Variants in PILRA observed in about 807,000 individuals in gnomAD.
The protein encoded by PILRA is paired immunoglobulin-like type 2 receptor alpha.
Under a neutral mutation model 33.1 loss-of-function variants are expected in PILRA, and 37 were observed. That is an observed-to-expected ratio of 1.12 (90% CI 0.86 to 1.47). The LOEUF is 1.47. Ranked by LOEUF, PILRA falls within the 40% of genes most tolerant of loss-of-function variation. The pLI is 0.00. For synonymous variants in PILRA, 146 were observed against 149.9 expected (o/e 0.97, Z 0.19); for missense variants, 312 against 376.2 (o/e 0.83, Z 1.41).
intron 2 of PILRA, among the ~76,000 whole-genome samples, chr7:100,384,106 C>A (rs1377147978): frequency 1.3e-5 from 2 of 152,006 alleles, no homozygotes; most frequent in Non-Finnish European, 2.9e-5. Flanking sequence ...GAAGACAGGG[C>A]AGACAGGATT....
intron 5 of PILRA, 118 bp downstream of exon 5, chr7:100,399,458 C>A: frequency 7.2e-7 from 1 of 1,390,860 alleles, no homozygotes; most frequent in South Asian, 1.2e-5. Flanking sequence ...TTCCTTGCCC[C>A]TTGCCCTCAC....
Position 100,388,736 on chromosome 7 carries a change from C to T in PILRA, c.455-1152C>T, listed in dbSNP as rs946072608. On this transcript the variant is annotated intron_variant, in intron 2 of 6. Transcript: ENST00000198536. ...ACTCCATCCAGCCTGGGTGACAGAGCGAGCCTCCGTCTCAAAAAAAAAAAA... is the reference window on the plus strand; with the variant it reads ...ACTCCATCCAGCCTGGGTGACAGAGTGAGCCTCCGTCTCAAAAAAAAAAAA... 1.3e-4 allele frequency among the ~76,000 whole-genome samples: 16 copies of T among 119,200 alleles called. No individual in the cohort carries two copies. In the Admixed American group the frequency reaches 1.4e-3, roughly 10 times the overall value. 78.2% of individuals were successfully genotyped at this position (119,200 alleles called of 152,430 possible). A position where few individuals can be genotyped will look rare whatever the true frequency, so the allele number is the denominator to read the frequency against.
chr7:100,379,672 A>G (rs1420400916), intron 2 of PILRA, among the ~76,000 whole-genome samples: 2 of 150,876 alleles, frequency 1.3e-5, no homozygotes, highest in Non-Finnish European at 3.0e-5. Context: ...TGTCTCCAAA[A>G]AAAAAAAAAA....
intron 3 of PILRA, among the ~76,000 whole-genome samples, chr7:100,391,255 T>G (rs2130222705): frequency 6.6e-6 from 1 of 150,480 alleles, no homozygotes; most frequent in Middle Eastern, 3.5e-3. Context: ...ACTGGGAGGC[T>G]GAGATGTGAG....
Position 100,373,639 on chromosome 7 carries a change from C to G in PILRA, c.-18C>G. ...ACGGCTCTGCTGGTCTCCCCGTCCC[C>G]TGGAGAAGAACAAGGCCATGGGTCG... On this transcript the variant is annotated 5_prime_UTR_variant, in exon 1 of 7. Transcript: ENST00000198536. 2 of 1,613,512 alleles carry G rather than the reference C, an allele frequency of 1.2e-6. No individual in the cohort carries two copies. The highest frequency in any genetic ancestry group is 1.7e-6 in the Non-Finnish European group (2 of 1,179,956).
chr7:100,397,859 C>A lies in PILRA; in HGVS notation c.674-20C>A, dbSNP rs1791531812. 6.2e-7 allele frequency: 1 copy of A among 1,613,184 alleles called. No homozygotes were observed. The highest frequency in any genetic ancestry group is 1.3e-5 in the African/African-American group (1 of 75,012). ...CCATCACCCGGATGCCACCCTGACT[C>A]ACTGTTGGTCCCCCTACAGGTCAGC... On this transcript the variant is annotated intron_variant, in intron 3 of 6. Coordinates refer to ENST00000198536, the MANE Select transcript of PILRA (RefSeq NM_013439.3).
chr7:100,378,532 C>A (rs1218956617), intron 2 of PILRA, among the ~76,000 whole-genome samples: 1 of 152,092 alleles, frequency 6.6e-6, no homozygotes, highest in Non-Finnish European at 1.5e-5. Context: ...CAGGCTAATA[C>A]ACAATCTTCC....
intron 2 of PILRA, chr7:100,376,387 C>G (rs538616294): frequency 6.6e-6 from 1 of 150,796 alleles, no homozygotes; most frequent in African/African-American, 2.4e-5. Flanking sequence ...GTTTTTTTCA[C>G]TAATAAATTG....
At chr7:100,383,829 G>T (rs1791182467) in intron 2 of PILRA, among the ~76,000 whole-genome samples, 1 of 152,006 alleles carries the variant, frequency 6.6e-6, no homozygotes. Flanking sequence ...TAGAGACAGG[G>T]TTTCACCATG....
intron 3 of PILRA, among the ~76,000 whole-genome samples, chr7:100,392,510 GCAGAGGGTGTGCCA>G (rs1051088407): frequency 1.2e-4 from 18 of 152,188 alleles, no homozygotes; most frequent in African/African-American, 4.1e-4. Context: ...TTTAGATCTT[GCAGAGGGTGTGCCA>G]CAGGAGCATC....
chr7:100,375,113 C>A (rs1406659823), intron 2 of PILRA, among the ~76,000 whole-genome samples: 1 of 152,158 alleles, frequency 6.6e-6, no homozygotes, highest in South Asian at 2.1e-4. Context: ...CTCCCTGGCC[C>A]CTGCAGCCCC....
At chr7:100,390,182 C>T (rs7783550) in intron 3 of PILRA, 76 bp downstream of exon 3, 231,547 of 1,294,202 alleles carry the variant, frequency 0.18, 22,285 homozygotes, top group Middle Eastern at 0.21. Flanking sequence ...AGCTATGGGG[C>T]TCCTGAAATA....
intron 2 of PILRA, among the ~76,000 whole-genome samples, chr7:100,381,271 AAAAC>A (rs375974062): frequency 2.3e-3 from 354 of 152,124 alleles, no homozygotes; most frequent in Middle Eastern, 6.8e-3. Context: ...CGTCTCACAA[AAAAC>A]AAACAAACAA....
At position 100,373,602 on chromosome 7, in the gene PILRA, T is replaced by C; in HGVS notation, c.-55T>C. ...CCAGGCGGCCCCTCCACAGGGCCCCTCTCCTGCCTGGACGGCTCTGCTGGT... is the reference window on the plus strand; with the variant it reads ...CCAGGCGGCCCCTCCACAGGGCCCCCCTCCTGCCTGGACGGCTCTGCTGGT... On this transcript the variant is annotated 5_prime_UTR_variant, in exon 1 of 7. Transcript: ENST00000198536. 1 of 1,607,972 alleles carries C rather than the reference T, an allele frequency of 6.2e-7. No homozygotes were observed. The highest frequency in any genetic ancestry group is 8.5e-7 in the Non-Finnish European group (1 of 1,176,568).
chr7:100,373,629 T>G lies in PILRA; in HGVS notation c.-28T>G. 6.2e-7 allele frequency: 1 copy of G among 1,613,042 alleles called. No homozygotes were observed. The highest frequency in any genetic ancestry group is 8.5e-7 in the Non-Finnish European group (1 of 1,179,790). On this transcript the variant is annotated 5_prime_UTR_variant, in exon 1 of 7. Coordinates refer to ENST00000198536, the MANE Select transcript of PILRA (RefSeq NM_013439.3). Reference sequence around the variant, plus strand: ...TCCTGCCTGGACGGCTCTGCTGGTCTCCCCGTCCCCTGGAGAAGAACAAGG... The same window carrying G: ...TCCTGCCTGGACGGCTCTGCTGGTCGCCCCGTCCCCTGGAGAAGAACAAGG...
intron 2 of PILRA, among the ~76,000 whole-genome samples, chr7:100,380,121 A>T (rs1470574207): frequency 6.6e-6 from 1 of 152,204 alleles, no homozygotes; most frequent in Non-Finnish European, 1.5e-5. Context: ...TAGATGAACC[A>T]GAGGGCCTCT....
rs28449214 is a variant in PILRA at position 100,384,625 on chromosome 7, T to A, written c.455-5263T>A. Among the ~76,000 whole-genome samples the A allele has an allele frequency of 5.0e-3, 758 of 151,408 alleles. 7 individuals are homozygous for A. The highest frequency in any genetic ancestry group is 0.016 in the African/African-American group (670 of 41,192). On this transcript the variant is annotated intron_variant, in intron 2 of 6. Transcript: ENST00000198536. Reference sequence around the variant, plus strand: ...ATTGCTCAGGCTATCCACAAAAAAATTTTTTTTTAAAAATTATCTGGGCAT... The same window carrying A: ...ATTGCTCAGGCTATCCACAAAAAAAATTTTTTTTAAAAATTATCTGGGCAT...
chr7:100,391,777 T>A (rs1484429970), intron 3 of PILRA, among the ~76,000 whole-genome samples: 18 of 152,192 alleles, frequency 1.2e-4, no homozygotes, highest in Admixed American at 1.2e-3. Context: ...GATGAGGCTG[T>A]AATGAAATCA....
Position 100,400,040 on chromosome 7 carries a change from C to G in PILRA, c.*133C>G, listed in dbSNP as rs925769134. Reference sequence around the variant, plus strand: ...TTCAGGGCCAGCTTTGATAATGGAGCGAGATGCCATCTCTAGTTAAAAATA... The same window carrying G: ...TTCAGGGCCAGCTTTGATAATGGAGGGAGATGCCATCTCTAGTTAAAAATA... On this transcript the variant is annotated 3_prime_UTR_variant, in exon 7 of 7. Coordinates refer to ENST00000198536, the MANE Select transcript of PILRA (RefSeq NM_013439.3). 2 of 746,124 alleles carry G rather than the reference C, an allele frequency of 2.7e-6. No homozygotes were observed. The highest frequency in any genetic ancestry group is 4.0e-6 in the Non-Finnish European group (2 of 497,712). The allele number at this position is 746,124 out of a possible 1,614,324, so 46.2% of individuals were successfully genotyped here.
Sources: gnomAD v4.1 joint callset for allele counts (sites outside exome capture counted in the v4.1 genomes callset) on GRCh38, gnomAD v4.1.1 for gene constraint, MANE v1.5 for transcripts, NCBI Gene and HGNC (gene_info 2026-07-23, HGNC 2026-07-21) for gene names.